The following EML6 variants were observed in gnomAD, a reference collection of about 807,000 sequenced individuals.
EML6 encodes EMAP like 6.
A neutral mutation model predicts 240.1 loss-of-function variants in EML6; 154 were observed. That is an observed-to-expected ratio of 0.64 (90% CI 0.56 to 0.73). The LOEUF is 0.73. Ranked by LOEUF, EML6 falls within the 30% of genes least tolerant of loss-of-function variation. The pLI is 0.00. For synonymous variants in EML6, 1,148 were observed against 899.0 expected (o/e 1.28, Z -4.95); for missense variants, 2,964 against 2,474.6 (o/e 1.20, Z -4.20).
chr2:54,725,050 G>A lies in EML6; in HGVS notation c.-12G>A. On this transcript the variant is annotated 5_prime_UTR_variant, in exon 2 of 42. Coordinates refer to ENST00000356458, the MANE Select transcript of EML6 (RefSeq NM_001039753.4). The surrounding 1 kb of genome is among the most constrained non-coding windows in gnomAD (Gnocchi z 4.3). ...GCGCGGGGGGGCGGGGGGCGCGCGGGGTCGGCTTATCATGGCGGATCGGAC... is the reference window on the plus strand; with the variant it reads ...GCGCGGGGGGGCGGGGGGCGCGCGGAGTCGGCTTATCATGGCGGATCGGAC... 2 of 1,503,650 alleles carry A rather than the reference G, an allele frequency of 1.3e-6. No individual in the cohort carries two copies. The highest frequency in any genetic ancestry group is 1.2e-5 in the South Asian group (1 of 80,236). 93.1% of individuals were successfully genotyped at this position (1,503,650 alleles called of 1,614,324 possible).
intron 21 of EML6, among the ~76,000 whole-genome samples, chr2:54,896,099 A>C (rs1432076657): frequency 1.3e-5 from 2 of 152,160 alleles, no homozygotes; most frequent in African/African-American, 4.8e-5. Context: ...TCTGGCCACC[A>C]GTTATTCATG....
intron 2 of EML6, among the ~76,000 whole-genome samples, chr2:54,800,939 G>T (rs1670103903): frequency 6.6e-6 from 1 of 152,020 alleles, no homozygotes; most frequent in Non-Finnish European, 1.5e-5. Flanking sequence ...TTTCATTAGG[G>T]GTCAAGGAGC....
Position 54,829,276 on chromosome 2 carries a change from C to T in EML6, c.712-66C>T, listed in dbSNP as rs1284715816. 4.9e-6 allele frequency: 7 copies of T among 1,428,426 alleles called. No homozygotes were observed. The African/African-American group carries it at 8.6e-5, about 17-fold the overall frequency. 88.5% of individuals were successfully genotyped at this position (1,428,426 alleles called of 1,614,324 possible). ...CTTGCTATGTTTTTAAATCAACATT[C>T]AACTGTATCTATTCATTATACTTAG... On this transcript the variant is annotated intron_variant, in intron 6 of 41. Transcript: ENST00000356458.
At chr2:54,734,949 C>T (rs1029516664) in intron 2 of EML6, among the ~76,000 whole-genome samples, 7 of 152,214 alleles carry the variant, frequency 4.6e-5, no homozygotes, top group African/African-American at 1.7e-4. Context: ...TCCCTGGCTT[C>T]TCTTCCAGCC....
chr2:54,775,438 G>A (rs1158298532), intron 2 of EML6, among the ~76,000 whole-genome samples: 1 of 152,070 alleles, frequency 6.6e-6, no homozygotes, highest in East Asian at 1.9e-4. Context: ...CCTCGATTTG[G>A]CCTTGGCTTA....
intron 2 of EML6, among the ~76,000 whole-genome samples, chr2:54,747,921 T>C (rs543999944): frequency 9.3e-4 from 142 of 152,306 alleles, no homozygotes; most frequent in African/African-American, 3.2e-3. Flanking sequence ...TATTAATACT[T>C]GGATTACAGA....
chr2:54,745,864 C>A (rs1050429449), intron 2 of EML6, among the ~76,000 whole-genome samples: 1 of 152,102 alleles, frequency 6.6e-6, no homozygotes, highest in Non-Finnish European at 1.5e-5. Flanking sequence ...CATGAAGGGG[C>A]CTGAGCAGGA....
chr2:54,925,536 T>C (rs1039612551), intron 26 of EML6, among the ~76,000 whole-genome samples: 1 of 152,222 alleles, frequency 6.6e-6, no homozygotes, highest in Non-Finnish European at 1.5e-5. Context: ...TGGCTCTTTT[T>C]CTCATTCTAC....
intron 2 of EML6, among the ~76,000 whole-genome samples, chr2:54,788,110 G>C (rs1669185783): frequency 6.6e-6 from 1 of 152,182 alleles, no homozygotes; most frequent in Non-Finnish European, 1.5e-5. Flanking sequence ...CCACTGCCCT[G>C]TGGAAAGCCT....
intron 7 of EML6, among the ~76,000 whole-genome samples, chr2:54,838,496 T>A (rs1669271126): frequency 6.6e-6 from 1 of 152,214 alleles, no homozygotes; most frequent in African/African-American, 2.4e-5. Flanking sequence ...TTCATATATT[T>A]AACTGTTCAA....
intron 19 of EML6, among the ~76,000 whole-genome samples, chr2:54,894,284 A>G (rs932054219): frequency 6.6e-6 from 1 of 151,948 alleles, no homozygotes; most frequent in Non-Finnish European, 1.5e-5. Flanking sequence ...AAAAAATTAT[A>G]AGCTTAGAAC....
intron 2 of EML6, among the ~76,000 whole-genome samples, chr2:54,808,580 C>G (rs1451250062): frequency 6.6e-6 from 1 of 151,940 alleles, no homozygotes; most frequent in East Asian, 1.9e-4. Flanking sequence ...GAGAGAATCA[C>G]TGAAGCAGCC....
intron 2 of EML6, among the ~76,000 whole-genome samples, chr2:54,795,413 C>T (rs1669705898): frequency 1.3e-5 from 2 of 152,276 alleles, no homozygotes; most frequent in Non-Finnish European, 2.9e-5. Flanking sequence ...CAGTTACCCC[C>T]CACCAGGCCC....
Position 54,937,679 on chromosome 2 carries a change from T to G in EML6, c.4004+8928T>G, listed in dbSNP as rs146787078. Among the ~76,000 whole-genome samples the G allele has an allele frequency of 2.6e-4, 39 of 152,176 alleles. No homozygotes were observed. The East Asian group carries it at 7.3e-3, about 29-fold the overall frequency. On this transcript the variant is annotated intron_variant, in intron 28 of 41. Transcript: ENST00000356458. ...TTATGGATAACTGTAGATACTGTGA[T>G]ATTTATAGTTTTAGTCACTGATTTG... is the stretch of plus-strand genomic sequence containing the variant.
chr2:54,891,043 G>C lies in EML6; in HGVS notation c.2439-11G>C, dbSNP rs1298454896. The C allele has an allele frequency of 1.5e-6, 2 of 1,295,670 alleles. No individual in the cohort carries two copies. The highest frequency in any genetic ancestry group is 2.1e-6 in the Non-Finnish European group (2 of 940,400). 80.3% of individuals were successfully genotyped at this position (1,295,670 alleles called of 1,614,324 possible). ...CAAACTAGAATCTTATTTCCTATTTGTCTCTTACAGAGGACATAAAGATAA... is the reference window on the plus strand; with the variant it reads ...CAAACTAGAATCTTATTTCCTATTTCTCTCTTACAGAGGACATAAAGATAA... On this transcript the variant is annotated splice_polypyrimidine_tract_variant and intron_variant, in intron 17 of 41. Coordinates refer to ENST00000356458, the MANE Select transcript of EML6 (RefSeq NM_001039753.4).
At chr2:54,780,584 G>T (rs1034233026) in intron 2 of EML6, among the ~76,000 whole-genome samples, 2 of 152,182 alleles carry the variant, frequency 1.3e-5, no homozygotes, top group Non-Finnish European at 2.9e-5. Context: ...ATCTGGAGGA[G>T]AATTCAAGGT....
At chr2:54,960,377 G>A (rs1573221280) in intron 35 of EML6, 43 bp downstream of exon 35, 1 of 1,424,936 alleles carries the variant, frequency 7.0e-7, no homozygotes, top group Non-Finnish European at 9.6e-7. Context: ...CAGGGAAGGG[G>A]GAAGTGTAGG....
chr2:54,878,101 A>G (rs1671604122), intron 16 of EML6, among the ~76,000 whole-genome samples: 2 of 152,244 alleles, frequency 1.3e-5, no homozygotes, highest in South Asian at 4.1e-4. Context: ...AAGGATAAAT[A>G]TGTAATATAC....
At chr2:54,856,757 C>G (rs1222216766) in intron 11 of EML6, among the ~76,000 whole-genome samples, 1 of 151,454 alleles carries the variant, frequency 6.6e-6, no homozygotes, top group African/African-American at 2.4e-5. Context: ...GAGTCGTCTT[C>G]TAAGTGCAAT....
Sources: gnomAD v4.1 joint callset for allele counts (sites outside exome capture counted in the v4.1 genomes callset) on GRCh38, gnomAD v4.1.1 for gene constraint, Gnocchi (gnomAD v3.1) non-coding constraint, MANE v1.5 for transcripts, NCBI Gene and HGNC (gene_info 2026-07-23, HGNC 2026-07-21) for gene names.